Variants in ZNF263 observed in about 807,000 individuals in gnomAD.
ZNF263 encodes zinc finger protein 263.
A neutral mutation model predicts 63.1 loss-of-function variants in ZNF263; 49 were observed. The observed-to-expected ratio is 0.78, with a 90% CI of 0.62 to 0.99. The LOEUF (loss-of-function observed/expected upper bound fraction) is 0.99, where lower values mean the gene tolerates loss of function less well. Among genes scored for constraint, ZNF263 ranks in the 50% least tolerant of loss-of-function variants. The probability of loss-of-function intolerance (pLI) is 0.00; values close to 1 mark genes in which losing one functional copy is unlikely to be tolerated. For synonymous variants in ZNF263, 352 were observed against 324.2 expected (o/e 1.09, Z -0.92); for missense variants, 872 against 854.8 (o/e 1.02, Z -0.25).
intron 4 of ZNF263, 29 bp from the exon 5 acceptor site, chr16:3,288,425 C>G (rs767005020): frequency 3.9e-6 from 6 of 1,550,832 alleles, no homozygotes; most frequent in Non-Finnish European, 4.4e-6. Context: ...AGTGGCAGTA[C>G]AGAAATCTGT....
At chr16:3,286,380 G>C in intron 4 of ZNF263, 1 of 476,364 alleles carries the variant, frequency 2.1e-6, no homozygotes, top group Non-Finnish European at 3.5e-6. Context: ...GCGAGTCTGA[G>C]CCATGTGCAC....
chr16:3,286,462 T>C, intron 4 of ZNF263: 1 of 205,080 alleles, frequency 4.9e-6, no homozygotes, highest in Non-Finnish European at 9.6e-6. Flanking sequence ...TCCAGGATGC[T>C]GGGGGGCTCT....
At chr16:3,297,283 G>C (rs1447761686) in intron 1 of ZNF263, among the ~76,000 whole-genome samples, 1 of 132,926 alleles carries the variant, frequency 7.5e-6, no homozygotes, top group African/African-American at 3.0e-5. Context: ...GATACAGCGA[G>C]ACTCCATCTC....
chr16:3,297,619 T>C (rs528210058), intron 1 of ZNF263, among the ~76,000 whole-genome samples: 152 of 151,854 alleles, frequency 1.0e-3, no homozygotes, highest in Non-Finnish European at 1.5e-3. Context: ...CGCCTGCCAC[T>C]GCGCCCGGCT....
chr16:3,299,956 C>G, intron 2 of ZNF263: 1 of 1,613,668 alleles, frequency 6.2e-7, no homozygotes, highest in Non-Finnish European at 8.5e-7. Flanking sequence ...TTTATGAGTT[C>G]CGTCTGCATT....
At position 3,289,697 on chromosome 16, in the gene ZNF263, G is replaced by C; in HGVS notation, c.1191G>C (p.Gln397His). Residue 397 changes from glutamine (Q) to histidine (H), a missense_variant, in exon 6 of 6, where the codon CAG (glutamine) becomes CAC (histidine). By Grantham distance (24) the Gln-to-His change is conservative. Transcript: ENST00000219069. Reference protein sequence around the residue: ...FSNNSNLIRHQRIHAAERLCM... With the variant: ...FSNNSNLIRHHRIHAAERLCM... ...ACAACTCAAACCTAATTAGGCACCAGAGAATACATGCAGCTGAAAGACTGT... is the reference window on the plus strand; with the variant it reads ...ACAACTCAAACCTAATTAGGCACCACAGAATACATGCAGCTGAAAGACTGT... 6.2e-7 allele frequency: 1 copy of C among 1,614,262 alleles called. No homozygotes were observed. The highest frequency in any genetic ancestry group is 8.5e-7 in the Non-Finnish European group (1 of 1,180,046).
rs1959544503 is a variant in ZNF263, at chr16:3,289,987, A to G, written c.1481A>G (p.Glu494Gly). 4.3e-6 allele frequency: 7 copies of G among 1,614,026 alleles called. No individual in the cohort carries two copies. The highest frequency in any genetic ancestry group is 5.1e-6 in the Non-Finnish European group (6 of 1,180,032). Reference protein sequence around the residue: ...HTGEKPYKCPECGEIFAHSSN... With the variant: ...HTGEKPYKCPGCGEIFAHSSN... ...GGGGAGAAGCCCTACAAGTGCCCTG[A>G]GTGTGGGGAGATCTTTGCTCACAGT... The change falls in exon 6 of 6, where the codon GAG becomes GGG. Residue 494 changes from glutamate to glycine, a missense_variant. By Grantham distance (98) the Glu-to-Gly change is moderately conservative. Coordinates refer to ENST00000219069, the MANE Select transcript of ZNF263 (RefSeq NM_005741.5).
downstream of ZNF263, chr16:3,293,192 C>T (rs1959660081): frequency 6.6e-6 from 1 of 152,112 alleles, no homozygotes; most frequent in African/African-American, 2.4e-5. Context: ...ACGGTTTTCC[C>T]CTATGCTGTT....
Position 3,283,780 on chromosome 16 carries a change from A to C in ZNF263, c.-39A>C. 1 of 1,502,178 alleles carries C rather than the reference A, an allele frequency of 6.7e-7. No homozygotes were observed. The highest frequency in any genetic ancestry group is 8.8e-7 in the Non-Finnish European group (1 of 1,131,266). The allele number at this position is 1,502,178 out of a possible 1,614,324, so 93.1% of individuals were successfully genotyped here. A position where few individuals can be genotyped will look rare whatever the true frequency, so the allele number is the denominator to read the frequency against. ...GTTCAGGGCGCCTTCGTAGGCGGGC[A>C]CGGCTGGTTTCGGGCTAAGGCGCTC... On this transcript the variant is annotated 5_prime_UTR_variant, in exon 1 of 6. Coordinates refer to ENST00000219069, the MANE Select transcript of ZNF263 (RefSeq NM_005741.5).
chr16:3,298,772 AT>A, intron 1 of ZNF263: 1 of 368,822 alleles, frequency 2.7e-6, no homozygotes, highest in East Asian at 3.9e-5. Flanking sequence ...CTTGTGTAAA[AT>A]TTAAAAAAAT....
rs1348844030 is a variant in ZNF263, at chr16:3,291,086, G to C, written c.*528G>C. 1.0e-6 allele frequency: 1 copy of C among 990,236 alleles called. No individual in the cohort carries two copies. The highest frequency in any genetic ancestry group is 1.2e-6 in the Non-Finnish European group (1 of 832,488). The allele number at this position is 990,236 out of a possible 1,614,324, so 61.3% of individuals were successfully genotyped here. ...CAGTTGGGAAGCCATGGGCAGTCCA[G>C]ATCAAGCCACCACGTGCCCTACGAT... On this transcript the variant is annotated 3_prime_UTR_variant, in exon 6 of 6. Transcript: ENST00000219069.
rs1253790498 is a variant in ZNF263, at chr16:3,289,517, T to A, written c.1011T>A (p.Pro337=). 6.3e-7 allele frequency: 1 copy of A among 1,588,900 alleles called. No individual in the cohort carries two copies. The highest frequency in any genetic ancestry group is 1.2e-5 in the South Asian group (1 of 85,932). ...EVPWSPELGR[P]HDRSQGDWAP... is the part of the protein sequence containing the mutation. ...CCTGGAGTCCTGAGCTGGGAAGACC[T>A]CATGACCGGTCGCAAGGGGATTGGG... The change falls in exon 6 of 6, where the codon CCT becomes CCA. Residue 337 remains proline, a synonymous_variant. Transcript: ENST00000219069.
At position 3,283,827 on chromosome 16, in the gene ZNF263, G is replaced by C. The variant is rs768733087; in HGVS notation, c.9G>C (p.Ser3=). 26 of 1,568,278 alleles carry C rather than the reference G, an allele frequency of 1.7e-5. No homozygotes were observed. Among genetic ancestry groups the C allele is most frequent in the Non-Finnish European group, 1.9e-5 (22 of 1,160,050 alleles). The stretch of plus-strand genomic sequence containing the variant: ...GCTCTGGAGACCTGACGATGGCGTC[G>C]GGCCCGGGCTCCCAGGAACGGGAAG... MA[S]GPGSQEREGL... Residue 3 remains serine, a synonymous_variant, in exon 1 of 6, where the codon TCG becomes TCC. Coordinates refer to ENST00000219069, the MANE Select transcript of ZNF263 (RefSeq NM_005741.5).
At chr16:3,299,685 C>G in intron 2 of ZNF263, 4 of 1,541,748 alleles carry the variant, frequency 2.6e-6, no homozygotes, top group Non-Finnish European at 3.5e-6. Flanking sequence ...TTCGACCATC[C>G]TCACTGGTTA....
intron 2 of ZNF263, 83 bp from the exon 3 acceptor site, chr16:3,285,598 G>T: frequency 7.2e-7 from 1 of 1,390,084 alleles, no homozygotes; most frequent in South Asian, 1.2e-5. Context: ...CTGGGTGTTG[G>T]GGAATGGATA....
chr16:3,299,432 T>C lies in ZNF263; in HGVS notation c.*46+276T>C, dbSNP rs145207288. 5.1e-6 allele frequency: 8 copies of C among 1,561,990 alleles called. No individual in the cohort carries two copies. In the African/African-American group the frequency reaches 5.5e-5, roughly 11 times the overall value. ...AGAAGATTTTCCCATGCATTTGCTA[T>C]GGTTATTTGTTTTACTTCTTCCCAA... On this transcript the variant is annotated intron_variant, in intron 2 of 2. Transcript: ENST00000574674.
intron 1 of ZNF263, among the ~76,000 whole-genome samples, chr16:3,296,998 C>T (rs1288659596): frequency 6.6e-6 from 1 of 152,076 alleles, no homozygotes; most frequent in Non-Finnish European, 1.5e-5. Context: ...GGAAAGTGGG[C>T]ATTTGCTTTT....
At chr16:3,298,746 C>G (rs35416234) in intron 1 of ZNF263, 4 of 334,372 alleles carry the variant, frequency 1.2e-5, no homozygotes, top group African/African-American at 2.1e-5. Context: ...TGGGACAATA[C>G]TTCATTATTC....
At chr16:3,300,187 TC>T in intron 2 of ZNF263, 1 of 1,614,216 alleles carries the variant, frequency 6.2e-7, no homozygotes, top group Non-Finnish European at 8.5e-7. Context: ...TAGGACTTGT[TC>T]CCCACATCCT....
Sources: gnomAD v4.1 joint callset for allele counts (sites outside exome capture counted in the v4.1 genomes callset) on GRCh38, gnomAD v4.1.1 for gene constraint, MANE v1.5 for transcripts, NCBI Gene and HGNC (gene_info 2026-07-23, HGNC 2026-07-21) for gene names.